Variants in PHOSPHO1 observed in about 807,000 individuals in gnomAD.
The protein encoded by PHOSPHO1 is phosphoethanolamine/phosphocholine phosphatase 1.
A neutral mutation model predicts 17.7 loss-of-function variants in PHOSPHO1; 6 were observed. The ratio of observed to expected loss-of-function variants is 0.34; its 90% CI spans 0.19 to 0.67. The LOEUF (loss-of-function observed/expected upper bound fraction) is 0.67, where lower values mean the gene tolerates loss of function less well. Ranked by LOEUF, PHOSPHO1 falls within the 30% of genes least tolerant of loss-of-function variation. The pLI is 0.69. For missense variants in PHOSPHO1, 330 were observed against 392.1 expected (o/e 0.84, Z 1.34); for synonymous variants, 159 against 174.6 (o/e 0.91, Z 0.71).
At chr17:49,225,743 GAGGTAAGAGCC>G in intron 2 of PHOSPHO1, 1 of 1,284,586 alleles carries the variant, frequency 7.8e-7, no homozygotes, top group Non-Finnish European at 1.0e-6. Flanking sequence ...GGGGCTTGGG[GAGGTAAGAGCC>G]TCCCGCACCA....
At chr17:49,228,231 T>C (rs2043374631) in intron 1 of PHOSPHO1, among the ~76,000 whole-genome samples, 1 of 151,006 alleles carries the variant, frequency 6.6e-6, no homozygotes, top group South Asian at 2.1e-4. Flanking sequence ...TTGCCCTTCC[T>C]TCCTTCCTGT....
In PHOSPHO1 at chr17:49,224,714, C is replaced by G. The variant is rs1427038511; in HGVS notation, c.336G>C (p.Gln112His). 6.3e-7 allele frequency: 1 copy of G among 1,596,182 alleles called. No individual in the cohort carries two copies. The highest frequency in any genetic ancestry group is 8.5e-7 in the Non-Finnish European group (1 of 1,172,446). Residue 112 changes from glutamine (Q) to histidine (H), a missense_variant, in exon 3 of 3, where the codon CAG (glutamine) becomes CAC (histidine). Transcript: ENST00000310544. ...TGAGAATCACCTCGAAGCAGGCGCC[C>G]TGTTTTGCCACAAACTGCAGCAGGT... ...MSDLLQFVAK[Q>H]GACFEVILIS... is the part of the protein sequence containing the mutation.
At chr17:49,225,508 C>T in intron 2 of PHOSPHO1, 1 of 1,232,414 alleles carries the variant, frequency 8.1e-7, no homozygotes, top group Non-Finnish European at 1.0e-6. Context: ...GACCAGTTTC[C>T]TCATTCTCCT....
chr17:49,228,462 G>C (rs1004218505), intron 1 of PHOSPHO1, among the ~76,000 whole-genome samples: 2 of 151,998 alleles, frequency 1.3e-5, no homozygotes, highest in Non-Finnish European at 2.9e-5. Flanking sequence ...TTTGAGACCA[G>C]ACTGGGTGAC....
At position 49,224,877 on chromosome 17, in the gene PHOSPHO1, C is replaced by T. The variant is rs1365965538; in HGVS notation, c.173G>A (p.Ser58Asn). The T allele has an allele frequency of 6.2e-7, 1 of 1,604,990 alleles. No homozygotes were observed. The highest frequency in any genetic ancestry group is 2.3e-5 in the East Asian group (1 of 44,422). The part of the protein sequence containing the change: ...RAAPGQRLPE[S>N]LRATYREGFY... Reference sequence around the variant, plus strand: ...GCCCTCGCGGTAGGTGGCTCGCAGGCTCTCCGGGAGCCGCTGGCCCGGCGC... The same window carrying T: ...GCCCTCGCGGTAGGTGGCTCGCAGGTTCTCCGGGAGCCGCTGGCCCGGCGC... Residue 58 changes from serine to asparagine, a missense_variant, in exon 3 of 3, where the codon AGC becomes AAC. Coordinates refer to ENST00000310544, the MANE Select transcript of PHOSPHO1 (RefSeq NM_178500.4).
chr17:49,225,554 T>A, intron 2 of PHOSPHO1: 1 of 1,228,428 alleles, frequency 8.1e-7, no homozygotes, highest in Non-Finnish European at 1.0e-6. Flanking sequence ...CTCTGGGAGC[T>A]GCTTCTAGCC....
chr17:49,225,308 C>T, intron 2 of PHOSPHO1: 3 of 985,440 alleles, frequency 3.0e-6, no homozygotes, highest in Non-Finnish European at 3.6e-6. Context: ...TGGGGCTTAA[C>T]AAGGGTCAAA....
chr17:49,225,499 A>G (rs2143562078), intron 2 of PHOSPHO1: 1 of 985,334 alleles, frequency 1.0e-6, no homozygotes, highest in Non-Finnish European at 1.2e-6. Flanking sequence ...ACCCAACTGG[A>G]CCAGTTTCCT....
Position 49,226,767 on chromosome 17 carries a change from C to A in PHOSPHO1, c.-67-9G>T. ...GCCGTCGTCACACGTTCCTGACAAC[C>A]ACAAAAGTTCATTTGAGGGTGCCCA... is the stretch of plus-strand genomic sequence containing the variant. On this transcript the variant is annotated splice_polypyrimidine_tract_variant and intron_variant, in intron 1 of 2. Coordinates refer to ENST00000310544, the MANE Select transcript of PHOSPHO1 (RefSeq NM_178500.4). The A allele has an allele frequency of 6.4e-7, 1 of 1,563,012 alleles. No homozygotes were observed. Among genetic ancestry groups the A allele is most frequent in the South Asian group, 1.1e-5 (1 of 89,928 alleles).
intron 1 of PHOSPHO1, 22 bp from the exon 2 acceptor site, chr17:49,226,780 T>C (rs559517696): frequency 2.6e-5 from 39 of 1,499,126 alleles, no homozygotes; most frequent in African/African-American, 2.3e-4. Context: ...AAAAGTTCAT[T>C]TGAGGGTGCC....
chr17:49,228,514 G>T (rs770176480), intron 1 of PHOSPHO1, among the ~76,000 whole-genome samples: 26 of 152,048 alleles, frequency 1.7e-4, no homozygotes, highest in Non-Finnish European at 2.9e-4. Context: ...ATTAAGGCCG[G>T]GCGTGGTGGC....
At chr17:49,225,573 C>T (rs1386247358) in intron 2 of PHOSPHO1, 4 of 1,262,396 alleles carry the variant, frequency 3.2e-6, no homozygotes, top group Non-Finnish European at 4.1e-6. Context: ...CCCAATGGCA[C>T]TGAACAGGGG....
Position 49,224,285 on chromosome 17 carries a change from A to G in PHOSPHO1, c.765T>C (p.Asp255=). 2 of 1,597,134 alleles carry G rather than the reference A, an allele frequency of 1.3e-6. No homozygotes were observed. The highest frequency in any genetic ancestry group is 1.3e-5 in the African/African-American group (1 of 74,876). Residue 255 remains aspartate (D), a synonymous_variant, in exon 3 of 3, where the codon GAT becomes GAC. Coordinates refer to ENST00000310544, the MANE Select transcript of PHOSPHO1 (RefSeq NM_178500.4). ...ASVVPWETAA[D]VRLHLQQVLK... Reference sequence around the variant, plus strand: ...GCACCTGTTGCAGGTGGAGGCGCACATCTGCAGCCGTTTCCCAGGGCACCA... The same window carrying G: ...GCACCTGTTGCAGGTGGAGGCGCACGTCTGCAGCCGTTTCCCAGGGCACCA...
intron 2 of PHOSPHO1, chr17:49,225,681 C>T: frequency 7.8e-7 from 1 of 1,289,618 alleles, no homozygotes; most frequent in Non-Finnish European, 1.0e-6. Context: ...AACGTGTCAG[C>T]AGGTGGGGTT....
intron 2 of PHOSPHO1, 140 bp downstream of exon 2, chr17:49,226,507 G>A (rs2043359026): frequency 1.4e-5 from 12 of 852,748 alleles, no homozygotes; most frequent in Non-Finnish European, 2.1e-5. Flanking sequence ...GAAGCTTCTA[G>A]GAATTAATGA....
intron 2 of PHOSPHO1, chr17:49,225,483 C>T: frequency 2.0e-6 from 2 of 985,380 alleles, no homozygotes; most frequent in Non-Finnish European, 2.4e-6. Flanking sequence ...AACCAACCAC[C>T]CATCCACCCA....
intron 2 of PHOSPHO1, chr17:49,225,264 G>A (rs1178908661): frequency 5.0e-6 from 7 of 1,401,744 alleles, no homozygotes; most frequent in African/African-American, 2.9e-5. Flanking sequence ...AGGGCTTCTC[G>A]GCACCTGTTT....
rs1472966416 is a variant in PHOSPHO1 at position 49,225,261 on chromosome 17, C to T, written c.46-257G>A. The stretch of plus-strand genomic sequence containing the variant: ...AGTGGGGTTTATGCCCAGAGGGCTT[C>T]TCGGCACCTGTTTCCCCTACTCTCA... On this transcript the variant is annotated intron_variant, in intron 2 of 2. Transcript: ENST00000310544. 1.9e-5 allele frequency: 26 copies of T among 1,403,172 alleles called. 1 individual carries two copies. In the South Asian group the frequency reaches 3.1e-4, roughly 17 times the overall value. 86.9% of individuals were successfully genotyped at this position (1,403,172 alleles called of 1,614,324 possible). A position where few individuals can be genotyped will look rare whatever the true frequency, so the allele number is the denominator to read the frequency against.
chr17:49,226,149 A>G (rs1286326783), intron 2 of PHOSPHO1, among the ~76,000 whole-genome samples: 1 of 152,094 alleles, frequency 6.6e-6, no homozygotes. Flanking sequence ...GCAGAGGGGC[A>G]GTGAGCAGGT....
Sources: allele counts gnomAD v4.1 joint callset (sites outside exome capture counted in the v4.1 genomes callset), GRCh38; gene constraint gnomAD v4.1.1; transcripts MANE v1.5; gene names NCBI Gene and HGNC (gene_info 2026-07-23, HGNC 2026-07-21).